The following KIAA1217 variants were observed in gnomAD, a reference collection of about 807,000 sequenced individuals.
The protein encoded by KIAA1217 is KIAA1217.
Under a neutral mutation model 163.9 loss-of-function variants are expected in KIAA1217, and 88 were observed. The observed-to-expected ratio is 0.54, with a 90% confidence interval of 0.45 to 0.64. The LOEUF is 0.64. Among genes scored for constraint, KIAA1217 ranks in the 30% least tolerant of loss-of-function variants. KIAA1217 has a pLI of 0.00. For synonymous variants in KIAA1217, 903 were observed against 923.1 expected (o/e 0.98, Z 0.39); for missense variants, 2,372 against 2,475.0 (o/e 0.96, Z 0.88).
At chr10:24,041,482 T>C (rs1272460695) in intron 2 of KIAA1217, among the ~76,000 whole-genome samples, 1 of 152,122 alleles carries the variant, frequency 6.6e-6, no homozygotes, top group African/African-American at 2.4e-5. Flanking sequence ...GGTAAAATAA[T>C]TTATATCTCT....
intron 3 of KIAA1217, among the ~76,000 whole-genome samples, chr10:24,408,217 G>A (rs2057415130): frequency 1.3e-5 from 2 of 152,188 alleles, no homozygotes; most frequent in African/African-American, 4.8e-5. Context: ...TAATTGTGCA[G>A]TATAGTGCCT....
intron 2 of KIAA1217, among the ~76,000 whole-genome samples, chr10:24,288,911 T>C (rs1466231262): frequency 6.6e-6 from 1 of 152,174 alleles, no homozygotes; most frequent in Non-Finnish European, 1.5e-5. Context: ...ATTTGCACTT[T>C]AGGCAAGTCC....
rs1426283742 is a variant in KIAA1217 at position 23,894,590 on chromosome 10, C to T, written c.-320-112635C>T. Reference sequence around the variant, plus strand: ...CCAAGGTAATGGATAGATTCAATGCCATCCCCATCAAGCTACCAATGACTT... The same window carrying T: ...CCAAGGTAATGGATAGATTCAATGCTATCCCCATCAAGCTACCAATGACTT... On this transcript the variant is annotated intron_variant, in intron 1 of 18. Coordinates refer to the KIAA1217 transcript ENST00000376462. Among the ~76,000 whole-genome samples, 9 of 150,194 alleles carry T rather than the reference C, an allele frequency of 6.0e-5. No individual in the cohort carries two copies. In the East Asian group the frequency reaches 1.8e-3, roughly 29 times the overall value.
At chr10:24,480,174 G>T (rs1355433620) in intron 6 of KIAA1217, among the ~76,000 whole-genome samples, 1 of 152,198 alleles carries the variant, frequency 6.6e-6, no homozygotes, top group Non-Finnish European at 1.5e-5. Flanking sequence ...TGCCCAGGGG[G>T]GCAAAATGCC....
chr10:24,469,789 A>G (rs775836295), intron 5 of KIAA1217, among the ~76,000 whole-genome samples: 5 of 151,252 alleles, frequency 3.3e-5, no homozygotes, highest in African/African-American at 1.2e-4. Context: ...TTTTTGTATT[A>G]TTAGTAGAGA....
intron 2 of KIAA1217, among the ~76,000 whole-genome samples, chr10:24,161,498 C>G (rs1348460546): frequency 3.3e-5 from 5 of 152,208 alleles, no homozygotes; most frequent in African/African-American, 1.2e-4. Context: ...ACACACAAGA[C>G]TTTTCTGTCC....
chr10:24,488,172 A>G (rs1452039214), intron 6 of KIAA1217, among the ~76,000 whole-genome samples: 2 of 152,238 alleles, frequency 1.3e-5, no homozygotes, highest in Non-Finnish European at 2.9e-5. Flanking sequence ...ATTCTGAGTT[A>G]GAACTCAAGG....
At chr10:23,954,435 T>C (rs1214959392) in intron 1 of KIAA1217, among the ~76,000 whole-genome samples, 1 of 151,950 alleles carries the variant, frequency 6.6e-6, no homozygotes, top group Non-Finnish European at 1.5e-5. Flanking sequence ...TGTGGTAATG[T>C]ACATCTGTGG....
At chr10:24,487,134 C>T (rs1314593495) in intron 6 of KIAA1217, among the ~76,000 whole-genome samples, 1 of 152,250 alleles carries the variant, frequency 6.6e-6, no homozygotes, top group African/African-American at 2.4e-5. Context: ...TTCTTCTTCT[C>T]CCTCCGGATA....
chr10:24,407,209 G>T (rs1296114235), intron 3 of KIAA1217, among the ~76,000 whole-genome samples: 1 of 152,102 alleles, frequency 6.6e-6, no homozygotes, highest in Non-Finnish European at 1.5e-5. Context: ...TTAATCGTTG[G>T]TGATGATAAC....
chr10:23,748,880 G>A (rs1355941368), intron 1 of KIAA1217, among the ~76,000 whole-genome samples: 1 of 151,832 alleles, frequency 6.6e-6, no homozygotes, highest in African/African-American at 2.4e-5. Flanking sequence ...CCAAGTCTAG[G>A]GTAATGTCAG....
chr10:23,845,110 G>A (rs1274152907), intron 1 of KIAA1217, among the ~76,000 whole-genome samples: 1 of 152,142 alleles, frequency 6.6e-6, no homozygotes. Context: ...GTATATATGT[G>A]CCACATTTTC....
At chr10:23,906,809 C>G (rs1368632544) in intron 1 of KIAA1217, among the ~76,000 whole-genome samples, 1 of 152,082 alleles carries the variant, frequency 6.6e-6, no homozygotes, top group African/African-American at 2.4e-5. Context: ...GATGTAAAAT[C>G]CCTCATCCTG....
chr10:24,305,843 C>A (rs1233930831), intron 2 of KIAA1217, among the ~76,000 whole-genome samples: 1 of 152,042 alleles, frequency 6.6e-6, no homozygotes, highest in Non-Finnish European at 1.5e-5. Flanking sequence ...TTCTGGGGCT[C>A]AGCAGAGACC....
intron 2 of KIAA1217, among the ~76,000 whole-genome samples, chr10:24,023,016 C>G (rs774288772): frequency 2.6e-4 from 40 of 151,280 alleles, no homozygotes; most frequent in Non-Finnish European, 5.8e-4. Flanking sequence ...TAGTCAAGAA[C>G]AAGACCCAAC....
At chr10:24,335,627 G>A (rs11014035) in intron 2 of KIAA1217, among the ~76,000 whole-genome samples, 1 of 136,156 alleles carries the variant, frequency 7.3e-6, no homozygotes, top group African/African-American at 2.7e-5. Flanking sequence ...TTTATTTATT[G>A]GAGATGGAGT....
chr10:23,909,868 C>G (rs1243731522), intron 1 of KIAA1217, among the ~76,000 whole-genome samples: 1 of 152,210 alleles, frequency 6.6e-6, no homozygotes, highest in Non-Finnish European at 1.5e-5. Flanking sequence ...GGAATCCCCA[C>G]ACCTTATCTT....
rs182227841 is a variant in KIAA1217, at chr10:24,539,153, A to G, written c.3534+2260A>G. Among the ~76,000 whole-genome samples the G allele has an allele frequency of 2.0e-5, 3 of 152,272 alleles. No homozygotes were observed. In the East Asian group the frequency reaches 5.8e-4, roughly 29 times the overall value. Reference sequence around the variant, plus strand: ...TAATGTGACCATTTCTGTCTAGAACACTGACTGGGAATTTGGACTTTCTCA... The same window carrying G: ...TAATGTGACCATTTCTGTCTAGAACGCTGACTGGGAATTTGGACTTTCTCA... On this transcript the variant is annotated intron_variant, in intron 17 of 20. Coordinates refer to ENST00000376454, the MANE Select transcript of KIAA1217 (RefSeq NM_019590.5).
chr10:24,307,724 T>C (rs1180702004), intron 2 of KIAA1217, among the ~76,000 whole-genome samples: 2 of 152,032 alleles, frequency 1.3e-5, no homozygotes, highest in Non-Finnish European at 2.9e-5. Context: ...CGGGGCTACA[T>C]TGAGCCGTGA....
Sources: allele counts gnomAD v4.1 joint callset (sites outside exome capture counted in the v4.1 genomes callset), GRCh38; gene constraint gnomAD v4.1.1; transcripts MANE v1.5; gene names NCBI Gene and HGNC (gene_info 2026-07-23, HGNC 2026-07-21).